Variants in SSBP4 observed in about 807,000 individuals in gnomAD.
The protein encoded by SSBP4 is single stranded DNA binding protein 4.
Under a neutral mutation model 64.6 loss-of-function variants are expected in SSBP4, and 33 were observed. That is an observed-to-expected ratio of 0.51 (90% CI 0.39 to 0.68). The LOEUF (loss-of-function observed/expected upper bound fraction) is 0.68, where lower values mean the gene tolerates loss of function less well. SSBP4 is among the 30% of genes least tolerant of loss of function. SSBP4 has a pLI of 0.00. For synonymous variants in SSBP4, 243 were observed against 224.0 expected (o/e 1.08, Z -0.76); for missense variants, 583 against 566.8 (o/e 1.03, Z -0.29).
At chr19:18,405,037 TG>T in the SSBP4 span, among the ~76,000 whole-genome samples, 1,209 of 138,170 alleles carry the variant, frequency 8.8e-3, 17 homozygotes, top group African/African-American at 0.03. Flanking sequence ...AGAAGCTCCC[TG>T]GGGTGGCCCC....
At chr19:18,430,342 C>T (rs931738884) in intron 4 of SSBP4, among the ~76,000 whole-genome samples, 10 of 152,176 alleles carry the variant, frequency 6.6e-5, no homozygotes, top group African/African-American at 2.4e-5. Context: ...AGCCCCCTCT[C>T]CAGCACCCTG....
Position 18,426,234 on chromosome 19 carries a change from G to A in SSBP4, c.60-1117G>A, listed in dbSNP as rs118093382. Among the ~76,000 whole-genome samples, 2,357 of 152,272 alleles carry A rather than the reference G, an allele frequency of 0.015. 26 individuals are homozygous for A. Among genetic ancestry groups the A allele is most frequent in the Non-Finnish European group, 0.023 (1,591 of 68,002 alleles). On this transcript the variant is annotated intron_variant, in intron 1 of 17. Transcript: ENST00000270061. This position sits in a 1 kb window ranked among gnomAD's most constrained non-coding sequence, Gnocchi z 4.5. ...GGAGCAGAGCGTGAGTCAAAGGAAG[G>A]TTATTTTAGGATGGGGCCCGCAGCC...
intron 1 of SSBP4, 40 bp downstream of exon 1, chr19:18,419,747 C>T: frequency 8.9e-7 from 1 of 1,122,562 alleles, no homozygotes; most frequent in Non-Finnish European, 1.1e-6. Flanking sequence ...CGTCCGCGCT[C>T]TTCCGTGGGC....
the SSBP4 span, among the ~76,000 whole-genome samples, chr19:18,410,239 G>A: frequency 6.6e-6 from 1 of 151,578 alleles, no homozygotes; most frequent in African/African-American, 2.4e-5. Flanking sequence ...CTCATGATCC[G>A]CCCGCCTCGA....
At chr19:18,420,077 C>A (rs564433934) in intron 1 of SSBP4, 1 of 144,496 alleles carries the variant, frequency 6.9e-6, no homozygotes, top group African/African-American at 2.6e-5. Flanking sequence ...GGTCGCGAGG[C>A]CTCCTCGAGA....
chr19:18,424,465 G>T (rs1419756481), intron 1 of SSBP4, among the ~76,000 whole-genome samples: 1 of 152,114 alleles, frequency 6.6e-6, no homozygotes, highest in Non-Finnish European at 1.5e-5. Context: ...TGACAGTGAA[G>T]CCCCGAGAGG....
At position 18,434,495 on chromosome 19, in the gene SSBP4, G is replaced by A. The variant is rs921425482; in HGVS notation, c.*249G>A. 62 of 762,990 alleles carry A rather than the reference G, an allele frequency of 8.1e-5. No homozygotes were observed. The Admixed American group carries it at 2.0e-3, about 25-fold the overall frequency. 47.3% of individuals were successfully genotyped at this position (762,990 alleles called of 1,614,324 possible). On this transcript the variant is annotated 3_prime_UTR_variant, in exon 18 of 18. Transcript: ENST00000270061. Reference sequence around the variant, plus strand: ...CCCAGAGAGAAAGGCTCTTTGGGGGGCCCCTCTCCCCAGGACGTCAGGGGG... The same window carrying A: ...CCCAGAGAGAAAGGCTCTTTGGGGGACCCCTCTCCCCAGGACGTCAGGGGG...
intron 15 of SSBP4, 171 bp downstream of exon 15, chr19:18,433,384 G>A (rs955350334): frequency 2.5e-4 from 311 of 1,265,454 alleles, no homozygotes; most frequent in Non-Finnish European, 3.2e-4. Flanking sequence ...GGGATCCAGC[G>A]ACCAAACCAG....
intron 4 of SSBP4, among the ~76,000 whole-genome samples, chr19:18,429,609 C>T (rs1455368564): frequency 1.3e-5 from 2 of 151,222 alleles, no homozygotes; most frequent in South Asian, 2.1e-4. Flanking sequence ...GGGAGTGGAC[C>T]GGAGGGGCCG....
At chr19:18,405,815 C>A in the SSBP4 span, among the ~76,000 whole-genome samples, 26 of 152,194 alleles carry the variant, frequency 1.7e-4, no homozygotes, top group African/African-American at 5.5e-4. Flanking sequence ...CACAGTGAAA[C>A]CCTGTCTCTA....
the SSBP4 span, among the ~76,000 whole-genome samples, chr19:18,410,600 A>G: frequency 6.6e-6 from 1 of 151,994 alleles, no homozygotes; most frequent in African/African-American, 2.4e-5. Flanking sequence ...CCATGAAATA[A>G]TTCAATACAG....
Position 18,419,687 on chromosome 19 carries a change from C to G in SSBP4, c.39C>G (p.Ser13=), listed in dbSNP as rs1040029035. Residue 13 remains serine (S), a synonymous_variant, in exon 1 of 18, where the codon TCC becomes TCG. Coordinates refer to ENST00000270061, the MANE Select transcript of SSBP4 (RefSeq NM_032627.5). ...AKGGKGSAVP[S]DSQAREKLAL... is the part of the protein sequence containing the mutation. ...GGGGCAAGGGTTCGGCCGTGCCCTC[C>G]GACAGCCAGGCCCGCGAGAAGTGAG... is the stretch of plus-strand genomic sequence containing the variant. 8.4e-7 allele frequency: 1 copy of G among 1,191,698 alleles called. No individual in the cohort carries two copies. The allele number at this position is 1,191,698 out of a possible 1,614,324, so 73.8% of individuals were successfully genotyped here.
At chr19:18,411,817 C>T in the SSBP4 span, among the ~76,000 whole-genome samples, 11 of 152,080 alleles carry the variant, frequency 7.2e-5, no homozygotes, top group Non-Finnish European at 1.6e-4. Context: ...CTGTACCATC[C>T]CGAGAGGGAT....
At chr19:18,410,160 A>AT in the SSBP4 span, among the ~76,000 whole-genome samples, 1,306 of 151,360 alleles carry the variant, frequency 8.6e-3, 11 homozygotes, top group Non-Finnish European at 0.015. Context: ...CGCCCGGCTA[A>AT]TTTTTTTTTG....
intron 10 of SSBP4, 55 bp downstream of exon 10, chr19:18,432,269 A>C: frequency 3.8e-6 from 6 of 1,591,150 alleles, no homozygotes; most frequent in East Asian, 4.5e-5. Flanking sequence ...CACCAGCTTC[A>C]TGGCTGGGTC....
chr19:18,412,538 G>A, the SSBP4 span, among the ~76,000 whole-genome samples: 3 of 151,804 alleles, frequency 2.0e-5, no homozygotes, highest in Admixed American at 6.6e-5. Context: ...GCATTGTCAG[G>A]GTACCTCGAA....
the SSBP4 span, among the ~76,000 whole-genome samples, chr19:18,405,401 C>G: frequency 1.3e-5 from 2 of 151,928 alleles, no homozygotes; most frequent in Non-Finnish European, 2.9e-5. Context: ...TGGCTCATGC[C>G]TGTAATCCCA....
At chr19:18,424,868 G>A (rs1467920693) in intron 1 of SSBP4, among the ~76,000 whole-genome samples, 2 of 151,636 alleles carry the variant, frequency 1.3e-5, no homozygotes, top group Admixed American at 1.3e-4. Context: ...GAGCAGGGAG[G>A]GGGAGAATGG....
chr19:18,411,409 T>G, the SSBP4 span, among the ~76,000 whole-genome samples: 1 of 151,688 alleles, frequency 6.6e-6, no homozygotes, highest in Admixed American at 6.6e-5. Context: ...GCAGGAGAAT[T>G]GCTTGAACCC....
Sources: allele counts gnomAD v4.1 joint callset (sites outside exome capture counted in the v4.1 genomes callset), GRCh38; gene constraint gnomAD v4.1.1; non-coding constraint Gnocchi (gnomAD v3.1); transcripts MANE v1.5; gene names NCBI Gene and HGNC (gene_info 2026-07-23, HGNC 2026-07-21).